SERPINA11: variants seen among roughly 807,000 people sequenced by gnomAD.
The protein encoded by SERPINA11 is serpin A11.
Under a neutral mutation model 29.4 loss-of-function variants are expected in SERPINA11, and 28 were observed. That is an observed-to-expected ratio of 0.95 (90% CI 0.70 to 1.30). SERPINA11 has a LOEUF of 1.30. Among genes scored for constraint, SERPINA11 ranks in the 50% most tolerant of loss-of-function variants. The pLI, the probability that SERPINA11 is intolerant of heterozygous loss-of-function variation, is 0.00. For synonymous variants in SERPINA11, 253 were observed against 206.6 expected, an observed-to-expected ratio of 1.22 and a Z score of -1.92; for missense variants, 530 against 507.3, an observed-to-expected ratio of 1.04 and a Z score of -0.43.
chr14:94,446,456 G>C lies in SERPINA11; in HGVS notation c.792C>G (p.Leu264=). ...AGGCATTTCCTCTGTATTCTATCTG[G>C]AGGACGGTGCAAGCCAAATCCTGGT... ...LYDQDLACTV[L]QIEYRGNALA... Residue 264 remains leucine, a synonymous_variant, in exon 3 of 5, where the codon CTC becomes CTG. Transcript: ENST00000334708. 2 of 1,614,166 alleles carry C rather than the reference G, an allele frequency of 1.2e-6. No individual in the cohort carries two copies. Among genetic ancestry groups the C allele is most frequent in the Non-Finnish European group, 1.7e-6 (2 of 1,180,016 alleles).
intron 1 of SERPINA11, among the ~76,000 whole-genome samples, chr14:94,450,382 T>C (rs1898565701): frequency 6.6e-6 from 1 of 152,066 alleles, no homozygotes; most frequent in African/African-American, 2.4e-5. Flanking sequence ...GAAGGAGCAA[T>C]TTGGACACAG....
chr14:94,442,988 G>A, intron 4 of SERPINA11, 90 bp downstream of exon 4: 1 of 1,460,652 alleles, frequency 6.8e-7, no homozygotes, highest in Non-Finnish European at 9.3e-7. Flanking sequence ...CAAAGAACAA[G>A]GAACTTGACT....
chr14:94,442,780 A>G lies in SERPINA11; in HGVS notation c.1095T>C (p.Ser365=). 6.2e-7 allele frequency: 1 copy of G among 1,610,928 alleles called. No individual in the cohort carries two copies. Residue 365 remains serine (S), a synonymous_variant, in exon 5 of 5, where the codon AGT becomes AGC. Transcript: ENST00000334708. ...KVSHKAMVDM[S]EKGTEAGAAS... ...CAGCCCCGGCCTCGGTCCCCTTCTC[A>G]CTCATGTCCACCATCGCCTTGTGTG...
intron 1 of SERPINA11, among the ~76,000 whole-genome samples, chr14:94,449,962 C>A (rs1051068345): frequency 3.3e-5 from 5 of 152,316 alleles, no homozygotes; most frequent in Admixed American, 2.6e-4. Flanking sequence ...GTGCCCTCCC[C>A]CTTTCCAGTC....
chr14:94,443,577 A>G (rs1898383509), intron 3 of SERPINA11, among the ~76,000 whole-genome samples: 1 of 152,194 alleles, frequency 6.6e-6, no homozygotes, highest in Non-Finnish European at 1.5e-5. Context: ...CATAAGGTAA[A>G]TACTGTCAAC....
At chr14:94,442,940 T>C in intron 4 of SERPINA11, 131 bp from the exon 5 acceptor site, 1 of 1,260,134 alleles carries the variant, frequency 7.9e-7, no homozygotes, top group Non-Finnish European at 1.1e-6. Flanking sequence ...CATGAAGAGA[T>C]GCCTTAAAGA....
intron 3 of SERPINA11, among the ~76,000 whole-genome samples, chr14:94,445,608 G>T (rs1898419710): frequency 2.6e-5 from 4 of 152,070 alleles, no homozygotes; most frequent in Admixed American, 2.6e-4. Context: ...TAGCTTTGTT[G>T]CCCAGACTGG....
chr14:94,448,105 C>T (rs1898480596), intron 2 of SERPINA11, 27 bp downstream of exon 2: 1 of 1,601,932 alleles, frequency 6.2e-7, no homozygotes, highest in African/African-American at 1.3e-5. Flanking sequence ...GAGGCAGTGG[C>T]AATAATTCTG....
intron 3 of SERPINA11, among the ~76,000 whole-genome samples, chr14:94,445,803 C>G (rs1186304252): frequency 6.6e-6 from 1 of 152,174 alleles, no homozygotes. Flanking sequence ...TCTCAAACTC[C>G]TGGCCTCAAG....
In SERPINA11 at chr14:94,449,689, C is replaced by T. The variant is rs77559965; in HGVS notation, c.-3-912G>A. Among the ~76,000 whole-genome samples the T allele has an allele frequency of 4.6e-3, 701 of 151,356 alleles. 6 individuals carry two copies. The highest frequency in any genetic ancestry group is 0.016 in the African/African-American group (669 of 41,084). On this transcript the variant is annotated intron_variant, in intron 1 of 4. Coordinates refer to ENST00000334708, the MANE Select transcript of SERPINA11 (RefSeq NM_001080451.2). ...GCCTGGTCCAAGAGGTAGCTAGGTC[C>T]TCAGTATTTAGTGGGGAAAGAAGTA...
chr14:94,446,697 G>T, intron 2 of SERPINA11, 93 bp from the exon 3 acceptor site: 2 of 1,310,450 alleles, frequency 1.5e-6, no homozygotes, highest in Admixed American at 4.4e-5. Context: ...TCTTGGCTAT[G>T]CAAGTATGTG....
At chr14:94,451,047 G>A (rs1898577358) in intron 1 of SERPINA11, among the ~76,000 whole-genome samples, 1 of 152,124 alleles carries the variant, frequency 6.6e-6, no homozygotes. Flanking sequence ...GTGCACTGCT[G>A]ACCACCTCTA....
In SERPINA11 at chr14:94,442,531, C is replaced by G. The variant is rs913515788; in HGVS notation, c.*75G>C. ...TGATTAACTGAACCACATAGCAGCC[C>G]CAGGATGCAGGCTGGTTCTGGCCTA... On this transcript the variant is annotated 3_prime_UTR_variant, in exon 5 of 5. Coordinates refer to ENST00000334708, the MANE Select transcript of SERPINA11 (RefSeq NM_001080451.2). 9.3e-7 allele frequency: 1 copy of G among 1,071,988 alleles called. No homozygotes were observed. The highest frequency in any genetic ancestry group is 2.3e-5 in the Admixed American group (1 of 42,750). 66.4% of individuals were successfully genotyped at this position (1,071,988 alleles called of 1,614,324 possible).
Position 94,443,102 on chromosome 14 carries a change from C to T in SERPINA11, c.1041G>A (p.Gly347=). The T allele has an allele frequency of 1.2e-6, 2 of 1,613,300 alleles. No homozygotes were observed. The highest frequency in any genetic ancestry group is 8.5e-7 in the Non-Finnish European group (1 of 1,179,656). ...NLEADFSGVT[G]QLNKTISKVS... is the part of the protein sequence containing the mutation. ...CCTTGGAGATGGTTTTGTTGAGCTG[C>T]CCAGTGACTCCTGAGAAGTCAGCTT... The change falls in exon 4 of 5, where the codon GGG becomes GGA. Residue 347 remains glycine (G), a synonymous_variant. Transcript: ENST00000334708.
chr14:94,446,717 G>T (rs1898446672), intron 2 of SERPINA11, 113 bp from the exon 3 acceptor site: 1 of 1,073,620 alleles, frequency 9.3e-7, no homozygotes, highest in Non-Finnish European at 1.4e-6. Context: ...GGCAAAAAAT[G>T]TGGAATGGTT....
At chr14:94,445,711 G>A (rs1427054322) in intron 3 of SERPINA11, among the ~76,000 whole-genome samples, 1 of 151,784 alleles carries the variant, frequency 6.6e-6, no homozygotes, top group Non-Finnish European at 1.5e-5. Flanking sequence ...TGGGACTATA[G>A]GCATGCATCA....
rs1898491366 is a variant in SERPINA11, at chr14:94,448,446, G to A, written c.329C>T (p.Thr110Ile). Reference protein sequence around the residue: ...LEGLGFNLTETPEADIHQGFR... With the variant: ...LEGLGFNLTEIPEADIHQGFR... The stretch of plus-strand genomic sequence containing the variant: ...GCCCTGGTGGATGTCGGCTTCAGGG[G>A]TTTCTGTGAGGTTGAATCCCAGGCC... The change falls in exon 2 of 5, where the codon ACC becomes ATC. Residue 110 changes from threonine to isoleucine, a missense_variant. By Grantham distance (89) the Thr-to-Ile change is moderately conservative. Transcript: ENST00000334708. The A allele has an allele frequency of 4.3e-6, 7 of 1,614,036 alleles. No homozygotes were observed. The highest frequency in any genetic ancestry group is 4.0e-5 in the African/African-American group (3 of 74,914).
At chr14:94,449,427 TTC>T (rs1898528051) in intron 1 of SERPINA11, among the ~76,000 whole-genome samples, 1 of 94,446 alleles carries the variant, frequency 1.1e-5, no homozygotes, top group Non-Finnish European at 1.9e-5. Context: ...CTTTCTTTCT[TTC>T]TTTCTTTCTT....
Position 94,448,701 on chromosome 14 carries a change from T to C in SERPINA11, c.74A>G (p.His25Arg), listed in dbSNP as rs1294603568. Reference sequence around the variant, plus strand: ...AGGCCCCTGCAGACTTTTATCTCCATGGGCAAGAAGGGGCTGACAGTGGAC... The same window carrying C: ...AGGCCCCTGCAGACTTTTATCTCCACGGGCAAGAAGGGGCTGACAGTGGAC... ...ASVHCQPLLA[H>R]GDKSLQGPQP... The change falls in exon 2 of 5, where the codon CAT becomes CGT. Residue 25 changes from histidine to arginine, a missense_variant. By Grantham distance (29) the His-to-Arg change is conservative. Coordinates refer to ENST00000334708, the MANE Select transcript of SERPINA11 (RefSeq NM_001080451.2). The C allele has an allele frequency of 5.2e-6, 8 of 1,539,514 alleles. No homozygotes were observed. The highest frequency in any genetic ancestry group is 1.3e-5 in the South Asian group (1 of 78,386).
Sources: gnomAD v4.1 joint callset for allele counts (sites outside exome capture counted in the v4.1 genomes callset) on GRCh38, gnomAD v4.1.1 for gene constraint, MANE v1.5 for transcripts, NCBI Gene and HGNC (gene_info 2026-07-23, HGNC 2026-07-21) for gene names.